Variants in KIAA0319 observed in about 807,000 individuals in gnomAD.
KIAA0319 encodes KIAA0319.
KIAA0319 carries 83 observed loss-of-function variants against 108.4 expected under a neutral mutation model. The ratio of observed to expected loss-of-function variants is 0.77; its 90% confidence interval spans 0.64 to 0.92. KIAA0319 has a LOEUF of 0.92. Ranked by LOEUF, KIAA0319 falls within the 40% of genes least tolerant of loss-of-function variation. The probability of loss-of-function intolerance (pLI) is 0.00; values close to 1 mark genes in which losing one functional copy is unlikely to be tolerated. For synonymous variants in KIAA0319, 484 were observed against 510.4 expected (o/e 0.95, Z 0.70); for missense variants, 1,195 against 1,322.4 (o/e 0.90, Z 1.49).
downstream of KIAA0319, among the ~76,000 whole-genome samples, chr6:24,542,804 G>C (rs1179675538): frequency 6.6e-6 from 1 of 152,238 alleles, no homozygotes; most frequent in Non-Finnish European, 1.5e-5. Context: ...CCTTTGTTCA[G>C]TTTGGGAACT....
intron 7 of KIAA0319, 93 bp downstream of exon 7, chr6:24,580,833 T>C (rs1293378682): frequency 1.3e-6 from 1 of 765,932 alleles, no homozygotes; most frequent in South Asian, 1.6e-5. Flanking sequence ...TTTGTCTCTC[T>C]AGGTAGATAG....
At chr6:24,613,786 T>C (rs1369002569) in intron 1 of KIAA0319, among the ~76,000 whole-genome samples, 1 of 152,204 alleles carries the variant, frequency 6.6e-6, no homozygotes. Context: ...CAACCTTTAT[T>C]TCAAAGAGAT....
intron 5 of KIAA0319, among the ~76,000 whole-genome samples, chr6:24,582,669 A>AC (rs1766782493): frequency 1.3e-5 from 2 of 151,340 alleles, no homozygotes; most frequent in African/African-American, 2.4e-5. Context: ...TAAAAAAAAA[A>AC]AAACCTCCCT....
Position 24,563,538 on chromosome 6 carries a change from A to G in KIAA0319, c.2432-20T>C. Reference sequence around the variant, plus strand: ...TAGGGTCTGGGGAAAGAGAAGATACAGGATTTGCACTTGGACATTTGCACA... The same window carrying G: ...TAGGGTCTGGGGAAAGAGAAGATACGGGATTTGCACTTGGACATTTGCACA... On this transcript the variant is annotated intron_variant, in intron 15 of 20. Coordinates refer to ENST00000378214, the MANE Select transcript of KIAA0319 (RefSeq NM_014809.4). The G allele has an allele frequency of 6.3e-7, 1 of 1,594,544 alleles. No homozygotes were observed. Among genetic ancestry groups the G allele is most frequent in the Non-Finnish European group, 8.5e-7 (1 of 1,172,750 alleles).
At chr6:24,547,380 C>A in intron 20 of KIAA0319, 37 bp from the exon 21 acceptor site, 1 of 1,571,780 alleles carries the variant, frequency 6.4e-7, no homozygotes, top group South Asian at 1.1e-5. Context: ...GGAGGAACGC[C>A]GTGATTCACT....
At chr6:24,550,245 GCTGTGAGCTC>G (rs1761273763) in intron 20 of KIAA0319, among the ~76,000 whole-genome samples, 1 of 152,186 alleles carries the variant, frequency 6.6e-6, no homozygotes, top group South Asian at 2.1e-4. Context: ...CCTCCCTCAG[GCTGTGAGCTC>G]CTGTAAAGGC....
chr6:24,548,548 G>A (rs1263605015), intron 20 of KIAA0319, among the ~76,000 whole-genome samples: 1 of 151,314 alleles, frequency 6.6e-6, no homozygotes, highest in Admixed American at 6.6e-5. Context: ...CCTTCAGGCT[G>A]TTTTAGGCTT....
intron 1 of KIAA0319, among the ~76,000 whole-genome samples, chr6:24,612,796 T>C (rs1371721584): frequency 6.6e-6 from 1 of 151,902 alleles, no homozygotes; most frequent in East Asian, 1.9e-4. Flanking sequence ...CAGGGAGAAT[T>C]TTTTTGTTGT....
chr6:24,636,437 C>G (rs114025216), intron 1 of KIAA0319, among the ~76,000 whole-genome samples: 2,177 of 152,264 alleles, frequency 0.014, 23 homozygotes, highest in Non-Finnish European at 0.021. Flanking sequence ...TAAACTTGTA[C>G]TAGCTTGTTA....
At chr6:24,564,136 G>T in intron 15 of KIAA0319, 66 bp downstream of exon 15, 1 of 1,599,860 alleles carries the variant, frequency 6.3e-7, no homozygotes, top group Middle Eastern at 1.7e-4. Context: ...ACATCTGTCA[G>T]CGTAAAGACC....
intron 20 of KIAA0319, 48 bp from the exon 21 acceptor site, chr6:24,547,391 TC>T: frequency 6.5e-7 from 1 of 1,534,996 alleles, no homozygotes; most frequent in Non-Finnish European, 9.0e-7. Flanking sequence ...GTGATTCACT[TC>T]CAGCTGTCAG....
intron 4 of KIAA0319, among the ~76,000 whole-genome samples, chr6:24,584,545 G>A (rs545412382): frequency 1.8e-4 from 27 of 151,194 alleles, no homozygotes; most frequent in Admixed American, 4.0e-4. Flanking sequence ...TCAGTCCCTC[G>A]AGTGCCTCCT....
intron 16 of KIAA0319, among the ~76,000 whole-genome samples, chr6:24,561,774 C>T (rs1763135503): frequency 6.6e-6 from 1 of 152,082 alleles, no homozygotes; most frequent in South Asian, 2.1e-4. Flanking sequence ...GGCGCGATAG[C>T]TCACTGCAAC....
chr6:24,550,694 G>A lies in KIAA0319; in HGVS notation c.3040+740C>T, dbSNP rs991695811. ...GTCCTCTTGCTGCATTTCTGTCCTA[G>A]CAGACCTAAAGGGAACAGCGTTCAG... On this transcript the variant is annotated intron_variant, in intron 20 of 20. Transcript: ENST00000378214. 2.6e-5 allele frequency among the ~76,000 whole-genome samples: 4 copies of A among 152,118 alleles called. 1 individual carries two copies. The highest frequency in any genetic ancestry group is 1.3e-4 in the Admixed American group (2 of 15,272).
Position 24,598,128 on chromosome 6 carries a change from T to C in KIAA0319, c.56-1510A>G. On this transcript the variant is annotated intron_variant, in intron 2 of 20. Transcript: ENST00000378214. ...CCAGCATCAGCTCCTTGAGCTTCTCTCGAGTGGGCAGCAGCAGCAGCTTCC... is the reference window on the plus strand; with the variant it reads ...CCAGCATCAGCTCCTTGAGCTTCTCCCGAGTGGGCAGCAGCAGCAGCTTCC... The C allele has an allele frequency of 1.1e-5, 5 of 442,876 alleles. No homozygotes were observed. The Admixed American group carries it at 1.4e-4, about 12-fold the overall frequency. 27.4% of individuals were successfully genotyped at this position (442,876 alleles called of 1,614,324 possible).
At chr6:24,635,108 C>CTT (rs543116708) in intron 1 of KIAA0319, among the ~76,000 whole-genome samples, 3 of 142,830 alleles carry the variant, frequency 2.1e-5, no homozygotes, top group South Asian at 2.2e-4. Flanking sequence ...TTCTTTCTTT[C>CTT]TTTTTTTTTT....
At chr6:24,572,734 A>G (rs756605860) in intron 10 of KIAA0319, 36 bp from the exon 11 acceptor site, 2 of 1,568,212 alleles carry the variant, frequency 1.3e-6, no homozygotes, top group Non-Finnish European at 1.7e-6. Context: ...AAAACAAAAC[A>G]AAACAAAAAA....
chr6:24,581,293 G>A (rs1766503355), intron 6 of KIAA0319, among the ~76,000 whole-genome samples: 1 of 152,180 alleles, frequency 6.6e-6, no homozygotes, highest in Admixed American at 6.5e-5. Flanking sequence ...TCTCAAATGT[G>A]TGTATGGAAC....
intron 1 of KIAA0319, among the ~76,000 whole-genome samples, chr6:24,621,052 C>T (rs935670420): frequency 1.3e-5 from 2 of 152,138 alleles, no homozygotes; most frequent in Admixed American, 6.5e-5. Flanking sequence ...TTAGGGAGTC[C>T]CTGTCACATC....
Sources: allele counts gnomAD v4.1 joint callset (sites outside exome capture counted in the v4.1 genomes callset), GRCh38; gene constraint gnomAD v4.1.1; transcripts MANE v1.5; gene names NCBI Gene and HGNC (gene_info 2026-07-23, HGNC 2026-07-21).